The following EYA3 variants were observed in gnomAD, a reference collection of about 807,000 sequenced individuals.
The protein encoded by EYA3 is EYA transcriptional coactivator and phosphatase 3.
In EYA3, 39 loss-of-function variants were observed where a neutral mutation model predicts 80.0. That is an observed-to-expected ratio of 0.49 (90% CI 0.38 to 0.64). EYA3 has a LOEUF of 0.64. EYA3 is among the 30% of genes least tolerant of loss of function. EYA3 has a pLI of 0.00. For synonymous variants in EYA3, 206 were observed against 232.8 expected, an observed-to-expected ratio of 0.88 and a Z score of 1.05; for missense variants, 523 against 676.1, an observed-to-expected ratio of 0.77 and a Z score of 2.51.
At chr1:28,077,736 T>A (rs773132475) in intron 1 of EYA3, among the ~76,000 whole-genome samples, 6 of 152,240 alleles carry the variant, frequency 3.9e-5, no homozygotes, top group Non-Finnish European at 7.3e-5. Context: ...TAAAACTTTA[T>A]CTTCATCCTT....
chr1:28,082,538 C>G (rs1645465546), intron 1 of EYA3, among the ~76,000 whole-genome samples: 2 of 152,058 alleles, frequency 1.3e-5, no homozygotes, highest in South Asian at 4.1e-4. Context: ...CTACTCTAAA[C>G]ATGATAGCCC....
rs899419844 is a variant in EYA3, at chr1:27,972,611, A to G, written c.*1855T>C. The G allele has an allele frequency of 1.3e-5, 2 of 152,382 alleles. No individual in the cohort carries two copies. The highest frequency in any genetic ancestry group is 6.5e-5 in the Admixed American group (1 of 15,300). The allele number at this position is 152,382 out of a possible 1,614,324, so 9.4% of individuals were successfully genotyped here. On this transcript the variant is annotated 3_prime_UTR_variant, in exon 18 of 18. Transcript: ENST00000373871. The stretch of plus-strand genomic sequence containing the variant: ...CAAGCAATTATAGCTGGGGTTGGTC[A>G]ACAATGCCTCCTTCTGCGGACCAAT...
intron 5 of EYA3, among the ~76,000 whole-genome samples, chr1:28,037,280 G>T (rs1643511449): frequency 6.6e-6 from 1 of 152,240 alleles, no homozygotes; most frequent in Admixed American, 6.5e-5. Flanking sequence ...TCTGAATTAA[G>T]ATAGAATAAT....
At chr1:28,015,822 G>T (rs1642019891) in intron 8 of EYA3, among the ~76,000 whole-genome samples, 1 of 152,104 alleles carries the variant, frequency 6.6e-6, no homozygotes, top group African/African-American at 2.4e-5. Flanking sequence ...TATCTGGTCT[G>T]GTTTTAGGCC....
At chr1:28,074,103 T>C (rs1453412985) in intron 1 of EYA3, among the ~76,000 whole-genome samples, 1 of 152,210 alleles carries the variant, frequency 6.6e-6, no homozygotes, top group Non-Finnish European at 1.5e-5. Context: ...GAGATTGAAA[T>C]GTAGGCTCTA....
At chr1:28,073,597 G>C (rs1297696399) in intron 1 of EYA3, among the ~76,000 whole-genome samples, 1 of 151,940 alleles carries the variant, frequency 6.6e-6, no homozygotes, top group East Asian at 1.9e-4. Context: ...ATTGCACCCA[G>C]CCTAATTTTT....
At chr1:27,990,359 G>C (rs1639962012) in intron 14 of EYA3, 1 of 154,110 alleles carries the variant, frequency 6.5e-6, no homozygotes, top group South Asian at 2.0e-4. Flanking sequence ...TTTGAACAGG[G>C]TTTGGGCATG....
In EYA3 at chr1:28,038,439, T is replaced by TAAAAAAAAAAAAAAAA. The variant is rs74525723; in HGVS notation, c.224+384_224+399dup. ...CAACAAACAGAGTGAGATTCTATCTTAAAAAAAAAAAAAAAAAAAAAAAAA... is the reference window on the plus strand; with the variant it reads ...CAACAAACAGAGTGAGATTCTATCTTAAAAAAAAAAAAAAAAAAAAAAAAAAAAAAAAAAAAAAAAA... On this transcript the variant is annotated intron_variant, in intron 5 of 17. Transcript: ENST00000373871. Among the ~76,000 whole-genome samples, 16 of 68,498 alleles carry TAAAAAAAAAAAAAAAA rather than the reference T, an allele frequency of 2.3e-4. 1 individual carries two copies. Among genetic ancestry groups the TAAAAAAAAAAAAAAAA allele is most frequent in the African/African-American group, 8.5e-4 (15 of 17,574 alleles). 44.9% of individuals were successfully genotyped at this position (68,498 alleles called of 152,430 possible).
intron 17 of EYA3, 105 bp from the exon 18 acceptor site, chr1:27,974,651 T>C: frequency 1.2e-6 from 1 of 844,290 alleles, no homozygotes; most frequent in Non-Finnish European, 1.9e-6. Context: ...AGGTACATGG[T>C]AACCCTATCT....
At chr1:28,028,987 T>G (rs746832128) in intron 6 of EYA3, among the ~76,000 whole-genome samples, 1 of 152,186 alleles carries the variant, frequency 6.6e-6, no homozygotes, top group East Asian at 1.9e-4. Context: ...TTTAAAGTGT[T>G]GGGATTACAG....
At chr1:27,974,637 C>A in intron 17 of EYA3, 91 bp from the exon 18 acceptor site, 1 of 1,033,794 alleles carries the variant, frequency 9.7e-7, no homozygotes, top group Admixed American at 1.9e-5. Context: ...CACACCTCTC[C>A]CCAAGGTACA....
chr1:28,010,313 A>C (rs1272572924), intron 10 of EYA3, among the ~76,000 whole-genome samples: 5 of 152,224 alleles, frequency 3.3e-5, no homozygotes, highest in Non-Finnish European at 7.3e-5. Flanking sequence ...ATAAATCAGC[A>C]CCAGTCTCAT....
At chr1:28,055,462 C>CTTTTTTTT (rs531586344) in intron 2 of EYA3, among the ~76,000 whole-genome samples, 4 of 106,954 alleles carry the variant, frequency 3.7e-5, no homozygotes, top group Non-Finnish European at 5.5e-5. Context: ...TAAAGAAAAT[C>CTTTTTTTT]TTTTTTTTTT....
chr1:28,081,188 C>T (rs1268656629), intron 1 of EYA3, among the ~76,000 whole-genome samples: 1 of 152,080 alleles, frequency 6.6e-6, no homozygotes, highest in Non-Finnish European at 1.5e-5. Context: ...TAAATAAATA[C>T]ATACTAACAA....
intron 16 of EYA3, among the ~76,000 whole-genome samples, chr1:27,978,827 C>T (rs774296737): frequency 4.9e-4 from 74 of 152,190 alleles, no homozygotes; most frequent in African/African-American, 1.5e-3. Flanking sequence ...CTGGGCATGG[C>T]GGCGCGTGCC....
At chr1:28,038,086 C>T (rs1478322616) in intron 5 of EYA3, among the ~76,000 whole-genome samples, 1 of 151,748 alleles carries the variant, frequency 6.6e-6, no homozygotes, top group Admixed American at 6.6e-5. Context: ...CTCTTAGTGA[C>T]TAACCCACCA....
At chr1:28,087,542 A>G (rs756167542) in intron 1 of EYA3, among the ~76,000 whole-genome samples, 74 of 152,222 alleles carry the variant, frequency 4.9e-4, no homozygotes, top group Non-Finnish European at 9.8e-4. Flanking sequence ...TCAGCAGACC[A>G]CTTTTCGGAA....
intron 7 of EYA3, among the ~76,000 whole-genome samples, chr1:28,024,635 C>A (rs554406717): frequency 6.6e-6 from 1 of 150,942 alleles, no homozygotes; most frequent in Non-Finnish European, 1.5e-5. Context: ...CCAGCCTGGG[C>A]GACAGAGCAA....
chr1:28,075,522 T>A (rs1044636831), intron 1 of EYA3, among the ~76,000 whole-genome samples: 1 of 152,056 alleles, frequency 6.6e-6, no homozygotes, highest in Admixed American at 6.6e-5. Context: ...GGGAATGGAG[T>A]TTTGAAGAAC....
Sources: gnomAD v4.1 joint callset for allele counts (sites outside exome capture counted in the v4.1 genomes callset) on GRCh38, gnomAD v4.1.1 for gene constraint, MANE v1.5 for transcripts, NCBI Gene and HGNC (gene_info 2026-07-23, HGNC 2026-07-21) for gene names.